TSC22D1: variants seen among roughly 807,000 people sequenced by gnomAD.
TSC22D1 encodes the protein TSC22 domain family protein 1.
Under a neutral mutation model 74.2 loss-of-function variants are expected in TSC22D1, and 9 were observed. The observed-to-expected ratio is 0.12, with a 90% confidence interval of 0.07 to 0.21. The LOEUF (loss-of-function observed/expected upper bound fraction) is 0.21, where lower values mean the gene tolerates loss of function less well. Ranked by LOEUF, TSC22D1 falls within the 10% of genes least tolerant of loss-of-function variation. The pLI is 1.00. For synonymous variants in TSC22D1, 586 were observed against 492.5 expected (o/e 1.19, Z -2.51); for missense variants, 1,427 against 1,304.7 (o/e 1.09, Z -1.44).
intron 1 of TSC22D1, among the ~76,000 whole-genome samples, chr13:44,563,295 T>C (rs537818671): frequency 1.3e-5 from 2 of 152,186 alleles, no homozygotes; most frequent in African/African-American, 4.8e-5. Flanking sequence ...GTGAATACAG[T>C]GCTTTGTCAA....
Position 44,576,222 on chromosome 13 carries a change from G to C in TSC22D1, c.-148C>G, listed in dbSNP as rs1884234978. The C allele has an allele frequency of 8.4e-7, 1 of 1,190,996 alleles. No homozygotes were observed. Among genetic ancestry groups the C allele is most frequent in the East Asian group, 2.6e-5 (1 of 38,216 alleles). The allele number at this position is 1,190,996 out of a possible 1,614,324, so 73.8% of individuals were successfully genotyped here. A position where few individuals can be genotyped will look rare whatever the true frequency, so the allele number is the denominator to read the frequency against. ...CTCCTCCTCCTCAGCCAAAGGCGCC[G>C]GTCGCTCCTGCCTTCGAGAGCGAGC... On this transcript the variant is annotated 5_prime_UTR_variant, in exon 1 of 3. Transcript: ENST00000458659.
chr13:44,562,261 A>C lies in TSC22D1; in HGVS notation c.2912+10902T>G, dbSNP rs553844568. Among the ~76,000 whole-genome samples the C allele has an allele frequency of 3.3e-5, 5 of 152,212 alleles. No individual in the cohort carries two copies. In the East Asian group the frequency reaches 9.7e-4, roughly 29 times the overall value. On this transcript the variant is annotated intron_variant, in intron 1 of 2. Coordinates refer to ENST00000458659, the MANE Select transcript of TSC22D1 (RefSeq NM_183422.4). ...GTACCATGTTGCCCAGACTGGTCTCAAACTCCTGGACTCCAGCAATCAACC... is the reference window on the plus strand; with the variant it reads ...GTACCATGTTGCCCAGACTGGTCTCCAACTCCTGGACTCCAGCAATCAACC...
intron 1 of TSC22D1, among the ~76,000 whole-genome samples, chr13:44,546,131 T>A (rs1347355283): frequency 6.6e-6 from 1 of 152,124 alleles, no homozygotes; most frequent in African/African-American, 2.4e-5. Flanking sequence ...AAATAATGTA[T>A]CAGTCAATGA....
chr13:44,512,537 A>G (rs1879781816), intron 1 of TSC22D1, among the ~76,000 whole-genome samples: 1 of 152,092 alleles, frequency 6.6e-6, no homozygotes, highest in African/African-American at 2.4e-5. Context: ...TTTCTCCTAT[A>G]TTCCCTATTA....
intron 1 of TSC22D1, among the ~76,000 whole-genome samples, chr13:44,553,983 A>G (rs898337546): frequency 2.0e-5 from 3 of 152,220 alleles, no homozygotes; most frequent in African/African-American, 7.2e-5. Context: ...AATGTCACAA[A>G]GGTACAGAAC....
intron 1 of TSC22D1, among the ~76,000 whole-genome samples, chr13:44,560,958 C>A (rs949373869): frequency 6.6e-6 from 1 of 152,138 alleles, no homozygotes; most frequent in African/African-American, 2.4e-5. Context: ...CTTTTCCCTC[C>A]CTAGTCTCAT....
At chr13:44,519,014 G>A (rs980569946) in intron 1 of TSC22D1, among the ~76,000 whole-genome samples, 6 of 152,144 alleles carry the variant, frequency 3.9e-5, no homozygotes, top group African/African-American at 1.4e-4. Flanking sequence ...AGTGGATTTA[G>A]TGCCAATTAT....
At chr13:44,496,134 T>C (rs1356367807) in intron 1 of TSC22D1, among the ~76,000 whole-genome samples, 1 of 152,114 alleles carries the variant, frequency 6.6e-6, no homozygotes, top group African/African-American at 2.4e-5. Flanking sequence ...AATTAAAAAA[T>C]GTGCAAAGAA....
At chr13:44,484,668 T>C (rs1237549300) in intron 1 of TSC22D1, among the ~76,000 whole-genome samples, 5 of 152,160 alleles carry the variant, frequency 3.3e-5, no homozygotes, top group African/African-American at 1.2e-4. Context: ...ACCCTAGAAG[T>C]AAATCTAAGT....
Position 44,446,769 on chromosome 13 carries a change from G to A in TSC22D1, c.2913-10674C>T, listed in dbSNP as rs10161581. Among the ~76,000 whole-genome samples, 316 of 143,388 alleles carry A rather than the reference G, an allele frequency of 2.2e-3. 2 individuals are homozygous for A. Among genetic ancestry groups the A allele is most frequent in the African/African-American group, 3.9e-3 (151 of 38,644 alleles). 94.1% of individuals were successfully genotyped at this position (143,388 alleles called of 152,430 possible). On this transcript the variant is annotated intron_variant, in intron 1 of 2. Transcript: ENST00000458659. ...AAAAAAAAAAAGAAGAAGAAGAAGA[G>A]GAAGAAGAGGAAGAAGAGGAGGAGG...
At chr13:44,482,801 C>T (rs1245985650) in intron 1 of TSC22D1, among the ~76,000 whole-genome samples, 1 of 152,104 alleles carries the variant, frequency 6.6e-6, no homozygotes, top group Non-Finnish European at 1.5e-5. Context: ...GTTATTGAAA[C>T]ATTATGTTTA....
intron 1 of TSC22D1, among the ~76,000 whole-genome samples, chr13:44,530,239 G>A (rs1263019574): frequency 2.0e-5 from 3 of 152,124 alleles, no homozygotes; most frequent in Admixed American, 2.0e-4. Flanking sequence ...GAGCCCAGAT[G>A]TAGAACCACA....
At chr13:44,520,007 G>A (rs12427855) in intron 1 of TSC22D1, among the ~76,000 whole-genome samples, 1,714 of 152,158 alleles carry the variant, frequency 0.011, 44 homozygotes, top group Admixed American at 0.056. Context: ...ATTTGAAGGC[G>A]AAGATCATAA....
chr13:44,474,301 C>T (rs1179609064), intron 1 of TSC22D1: 1 of 985,094 alleles, frequency 1.0e-6, no homozygotes, highest in Non-Finnish European at 1.2e-6. Flanking sequence ...CACCCAGGCC[C>T]AACTGACACT....
chr13:44,565,316 G>A (rs1185996384), intron 1 of TSC22D1, among the ~76,000 whole-genome samples: 2 of 152,090 alleles, frequency 1.3e-5, no homozygotes, highest in Non-Finnish European at 2.9e-5. Context: ...AGAAGAGTGG[G>A]AAGAAAATGG....
chr13:44,435,775 C>T (rs1333387350), intron 2 of TSC22D1: 9 of 509,198 alleles, frequency 1.8e-5, no homozygotes, highest in South Asian at 4.2e-5. Context: ...CTAATAAATC[C>T]CCAGCAAAAA....
intron 1 of TSC22D1, among the ~76,000 whole-genome samples, chr13:44,571,358 T>TA (rs1883754564): frequency 6.6e-6 from 1 of 152,184 alleles, no homozygotes; most frequent in African/African-American, 2.4e-5. Context: ...CCTATTCCTA[T>TA]AGTTAAAACT....
intron 1 of TSC22D1, among the ~76,000 whole-genome samples, chr13:44,546,623 A>G (rs1881841935): frequency 6.6e-6 from 1 of 152,198 alleles, no homozygotes; most frequent in Non-Finnish European, 1.5e-5. Context: ...TTTAGTAGAC[A>G]AGGTCAAAAT....
intron 1 of TSC22D1, 120 bp from the exon 2 acceptor site, chr13:44,436,215 CTA>C: frequency 2.6e-6 from 3 of 1,173,468 alleles, no homozygotes; most frequent in Non-Finnish European, 3.7e-6. Context: ...TTATTTAACA[CTA>C]TGTAATGTAT....
Sources: gnomAD v4.1 joint callset for allele counts (sites outside exome capture counted in the v4.1 genomes callset) on GRCh38, gnomAD v4.1.1 for gene constraint, MANE v1.5 for transcripts, NCBI Gene and HGNC (gene_info 2026-07-23, HGNC 2026-07-21) for gene names.